The following UNC13A variants were observed in gnomAD, a reference collection of about 807,000 sequenced individuals.
The protein encoded by UNC13A is unc-13 homolog A, also known as protein unc-13 homolog A.
In UNC13A, 61 loss-of-function variants were observed where a neutral mutation model predicts 219.7. That is an observed-to-expected ratio of 0.28 (90% CI 0.23 to 0.34). UNC13A has a LOEUF of 0.34. UNC13A is among the 10% of genes least tolerant of loss of function. UNC13A has a pLI of 1.00. For missense variants in UNC13A, 1,476 were observed against 2,270.3 expected (o/e 0.65, Z 7.11); for synonymous variants, 920 against 884.6 (o/e 1.04, Z -0.71).
chr19:17,628,889 C>A (rs1157054977), intron 31 of UNC13A, among the ~76,000 whole-genome samples: 1 of 152,168 alleles, frequency 6.6e-6, no homozygotes, highest in East Asian at 1.9e-4. Flanking sequence ...TGGACTCACA[C>A]ACACATTCAT....
chr19:17,629,677 A>G (rs939757525), intron 30 of UNC13A, among the ~76,000 whole-genome samples: 2 of 151,906 alleles, frequency 1.3e-5, no homozygotes, highest in African/African-American at 4.8e-5. Context: ...CTCAACCCCA[A>G]TGATCCCAAC....
At position 17,656,169 on chromosome 19, in the gene UNC13A, C is replaced by G; in HGVS notation, c.997G>C (p.Glu333Gln). 1 of 1,552,272 alleles carries G rather than the reference C, an allele frequency of 6.4e-7. No individual in the cohort carries two copies. The highest frequency in any genetic ancestry group is 8.7e-7 in the Non-Finnish European group (1 of 1,147,124). ...ELEEDLEDFL[E>Q]EEELPEDEEE... The stretch of plus-strand genomic sequence containing the variant: ...TCATCTTCAGGCAGCTCCTCCTCCT[C>G]CAGGAAGTCCTCCAGGTCCTCCTCC... Residue 333 changes from glutamate (E) to glutamine (Q), a missense_variant, in exon 10 of 44, where the codon GAG becomes CAG. Coordinates refer to ENST00000519716, the MANE Select transcript of UNC13A (RefSeq NM_001080421.3).
intron 17 of UNC13A, 134 bp from the exon 18 acceptor site, chr19:17,646,245 G>C (rs2077024790): frequency 8.2e-7 from 1 of 1,219,148 alleles, no homozygotes; most frequent in Non-Finnish European, 1.1e-6. Flanking sequence ...AGGGCACGCT[G>C]GGCTTGCCAG....
At chr19:17,652,940 C>A (rs1356958256) in intron 11 of UNC13A, among the ~76,000 whole-genome samples, 1 of 152,160 alleles carries the variant, frequency 6.6e-6, no homozygotes, top group Non-Finnish European at 1.5e-5. Context: ...CCCTAAACCC[C>A]CTATAGTCTC....
chr19:17,667,411 C>T (rs1045323189), intron 6 of UNC13A, among the ~76,000 whole-genome samples: 1 of 152,116 alleles, frequency 6.6e-6, no homozygotes, highest in African/African-American at 2.4e-5. Flanking sequence ...GCAATATATT[C>T]GTGTAACAAA....
In UNC13A at chr19:17,629,241, A is replaced by G. The variant is rs375434111; in HGVS notation, c.3752T>C (p.Val1251Ala). 61 of 1,608,026 alleles carry G rather than the reference A, an allele frequency of 3.8e-5. No individual in the cohort carries two copies. Among genetic ancestry groups the G allele is most frequent in the Non-Finnish European group, 5.0e-5 (59 of 1,177,672 alleles). The change falls in exon 31 of 44, where the codon GTG becomes GCG. Residue 1251 changes from valine (V) to alanine (A), a missense_variant and splice_region_variant. Physicochemically the swap from Val to Ala is moderately conservative, Grantham distance 64 (BLOSUM62 0). Coordinates refer to ENST00000519716, the MANE Select transcript of UNC13A (RefSeq NM_001080421.3). ...ASYCSKEKEKVPCILMNNTQQ... is the reference protein window; with the variant it reads ...ASYCSKEKEKAPCILMNNTQQ... The stretch of plus-strand genomic sequence containing the variant: ...AGGTCAGGGGCCCCCTCAGGTCACC[A>G]CTTTCTCCTTCTCCTTGGAGCAGTA...
intron 20 of UNC13A, 134 bp from the exon 21 acceptor site, chr19:17,641,690 A>G: frequency 1.2e-6 from 1 of 845,724 alleles, no homozygotes; most frequent in Non-Finnish European, 1.7e-6. Flanking sequence ...TCTTTTATCC[A>G]TCCACACACC....
chr19:17,636,015 A>G lies in UNC13A; in HGVS notation c.3215+9T>C. The G allele has an allele frequency of 1.2e-6, 2 of 1,608,066 alleles. No homozygotes were observed. The highest frequency in any genetic ancestry group is 1.7e-6 in the Non-Finnish European group (2 of 1,175,322). On this transcript the variant is annotated intron_variant, in intron 26 of 43. Coordinates refer to ENST00000519716, the MANE Select transcript of UNC13A (RefSeq NM_001080421.3). ...CCCAGATAATTAACTACACAGATAC[A>G]CAACTCACTGGTTGAGGCAGGGAGT... is the stretch of plus-strand genomic sequence containing the variant.
At chr19:17,651,342 G>A (rs1252477305) in intron 12 of UNC13A, among the ~76,000 whole-genome samples, 1 of 152,100 alleles carries the variant, frequency 6.6e-6, no homozygotes, top group Non-Finnish European at 1.5e-5. Flanking sequence ...TCCTGCCTCA[G>A]CCTCCCAAAT....
chr19:17,630,506 G>T, intron 29 of UNC13A, 148 bp downstream of exon 29: 2 of 1,134,458 alleles, frequency 1.8e-6, no homozygotes, highest in South Asian at 1.4e-5. Flanking sequence ...TTTTGTAGTT[G>T]ATGAATGAAC....
At chr19:17,638,354 G>A (rs1388556261) in intron 25 of UNC13A, among the ~76,000 whole-genome samples, 3 of 152,092 alleles carry the variant, frequency 2.0e-5, no homozygotes, top group African/African-American at 7.2e-5. Context: ...TATAGTCCCA[G>A]CTACTTGGGA....
chr19:17,670,938 TAAAATAAAATAAA>T (rs910525698), intron 4 of UNC13A, among the ~76,000 whole-genome samples: 3 of 149,064 alleles, frequency 2.0e-5, no homozygotes, highest in African/African-American at 7.4e-5. Context: ...TAAAATAAAA[TAAAATAAAATAAA>T]ATAAAATAAA....
chr19:17,682,861 C>T (rs867160614), intron 1 of UNC13A, among the ~76,000 whole-genome samples: 1 of 152,016 alleles, frequency 6.6e-6, no homozygotes, highest in Non-Finnish European at 1.5e-5. Flanking sequence ...GTCAGGAGTT[C>T]GAGGCCAGCC....
chr19:17,673,042 A>G (rs1343898862), intron 3 of UNC13A, among the ~76,000 whole-genome samples: 1 of 152,186 alleles, frequency 6.6e-6, no homozygotes, highest in Non-Finnish European at 1.5e-5. Context: ...CAGTTTACCA[A>G]AGATTTATCT....
At position 17,645,682 on chromosome 19, in the gene UNC13A, T is replaced by C; in HGVS notation, c.2348A>G (p.Tyr783Cys). The C allele has an allele frequency of 6.2e-7, 1 of 1,614,228 alleles. No homozygotes were observed. The highest frequency in any genetic ancestry group is 8.5e-7 in the Non-Finnish European group (1 of 1,180,040). Reference protein sequence around the residue: ...RTLSGEMDVWYNLDKRTDKSA... With the variant: ...RTLSGEMDVWCNLDKRTDKSA... ...AACCCAGCTTCTCTCACCCAGGTTG[T>C]ACCACACGTCCATCTCGCCGCTGAG... The change falls in exon 19 of 44, where the codon TAC becomes TGC. Residue 783 changes from tyrosine (Y) to cysteine (C), a missense_variant. By Grantham distance (194) the Tyr-to-Cys change is radical. Around this residue, in one of 14 missense-constraint regions of UNC13A, gnomAD observed 66 missense variants for 224.3 expected, o/e 0.29. Coordinates refer to ENST00000519716, the MANE Select transcript of UNC13A (RefSeq NM_001080421.3).
intron 1 of UNC13A, among the ~76,000 whole-genome samples, chr19:17,687,676 A>G (rs1387128870): frequency 2.0e-5 from 3 of 151,432 alleles, no homozygotes; most frequent in African/African-American, 4.9e-5. Context: ...CCCTCTACCT[A>G]TATCTTACAT....
chr19:17,663,670 A>G, intron 7 of UNC13A, 103 bp from the exon 8 acceptor site: 1 of 1,242,018 alleles, frequency 8.1e-7, no homozygotes, highest in Non-Finnish European at 1.1e-6. Flanking sequence ...TGCTCCCCCC[A>G]CCCCAAAAGT....
At chr19:17,686,457 T>G (rs1160243194) in intron 1 of UNC13A, among the ~76,000 whole-genome samples, 1 of 151,618 alleles carries the variant, frequency 6.6e-6, no homozygotes. Context: ...GTGCCACCTT[T>G]AAGAGCCCGG....
At chr19:17,684,536 C>T (rs996456911) in intron 1 of UNC13A, among the ~76,000 whole-genome samples, 2 of 152,206 alleles carry the variant, frequency 1.3e-5, no homozygotes, top group African/African-American at 4.8e-5. Flanking sequence ...CCTCAGGATC[C>T]TGCCAAGACC....
Sources: gnomAD v4.1 joint callset for allele counts (sites outside exome capture counted in the v4.1 genomes callset) on GRCh38, gnomAD v4.1.1 for gene constraint, gnomAD v4.1.1 regional missense constraint, MANE v1.5 for transcripts, NCBI Gene and HGNC (gene_info 2026-07-23, HGNC 2026-07-21) for gene names.